RNF216: variants seen among roughly 807,000 people sequenced by gnomAD.
The protein encoded by RNF216 is ring finger protein 216.
Under a neutral mutation model 110.8 loss-of-function variants are expected in RNF216, and 72 were observed. The observed-to-expected ratio is 0.65, with a 90% CI of 0.54 to 0.79. The LOEUF (loss-of-function observed/expected upper bound fraction) is 0.79, where lower values mean the gene tolerates loss of function less well. Ranked by LOEUF, RNF216 falls within the 30% of genes least tolerant of loss-of-function variation. RNF216 has a pLI of 0.00. For missense variants in RNF216, 1,342 were observed against 1,141.2 expected (o/e 1.18, Z -2.54); for synonymous variants, 495 against 407.5 (o/e 1.21, Z -2.59).
rs769669257 is a variant in RNF216, at chr7:5,761,019, G to C, written c.51C>G (p.His17Gln). 1 of 1,577,352 alleles carries C rather than the reference G, an allele frequency of 6.3e-7. No individual in the cohort carries two copies. The highest frequency in any genetic ancestry group is 8.6e-7 in the Non-Finnish European group (1 of 1,167,834). ...NEEVIHLNNFHCHRGQEWINL... is the reference protein window; with the variant it reads ...NEEVIHLNNFQCHRGQEWINL... ...ACAACTTACCTTGTCCCCGATGGCA[G>C]TGAAAGTTGTTCAAGTGAATTACCT... The change falls in exon 2 of 17, where the codon CAC becomes CAG. Residue 17 changes from histidine to glutamine, a missense_variant. Transcript: ENST00000389902.
intron 2 of RNF216, among the ~76,000 whole-genome samples, chr7:5,759,633 C>CTTCTTCTTT (rs59390560): frequency 7.6e-6 from 1 of 131,182 alleles, no homozygotes. Flanking sequence ...CATTTTTCTT[C>CTTCTTCTTT]TTTTTTTTTT....
intron 13 of RNF216, among the ~76,000 whole-genome samples, chr7:5,687,892 G>C (rs1248320008): frequency 2.0e-5 from 3 of 152,190 alleles, no homozygotes; most frequent in Non-Finnish European, 2.9e-5. Context: ...AGGAAACCAA[G>C]TCACAAAGAG....
intron 1 of RNF216, chr7:5,780,118 C>T (rs1796999308): frequency 6.6e-6 from 1 of 152,158 alleles, no homozygotes; most frequent in African/African-American, 2.4e-5. Flanking sequence ...AATGCCAACC[C>T]AGCCCCTTCC....
chr7:5,660,119 T>TTTTGTTA (rs1789009257), intron 13 of RNF216, among the ~76,000 whole-genome samples: 1 of 151,622 alleles, frequency 6.6e-6, no homozygotes, highest in Non-Finnish European at 1.5e-5. Context: ...CACAGCTAAA[T>TTTTGTTA]TTTGTTATTT....
intron 13 of RNF216, among the ~76,000 whole-genome samples, chr7:5,670,380 T>G (rs1184977350): frequency 6.6e-6 from 1 of 152,292 alleles, no homozygotes; most frequent in East Asian, 1.9e-4. Flanking sequence ...TGGGCTCCTC[T>G]GATGTGCATA....
Position 5,677,568 on chromosome 7 carries a change from C to A in RNF216, c.2062-25058G>T, listed in dbSNP as rs76682418. On this transcript the variant is annotated intron_variant, in intron 13 of 16. Coordinates refer to ENST00000389902, the MANE Select transcript of RNF216 (RefSeq NM_207111.4). ...CCTTACAAAGGGACCATCCTAAGCA[C>A]TTTGGGCTTAACCATTTGTCTGTCT... 4.1e-4 allele frequency among the ~76,000 whole-genome samples: 62 copies of A among 152,326 alleles called. No individual in the cohort carries two copies. In the East Asian group the frequency reaches 0.012, roughly 28 times the overall value.
rs115751510 is a variant in RNF216, at chr7:5,658,098, G to C, written c.2062-5588C>G. Among the ~76,000 whole-genome samples the C allele has an allele frequency of 3.5e-3, 531 of 152,356 alleles. 1 individual carries two copies. Among genetic ancestry groups the C allele is most frequent in the African/African-American group, 0.011 (478 of 41,588 alleles). On this transcript the variant is annotated intron_variant, in intron 13 of 16. Coordinates refer to ENST00000389902, the MANE Select transcript of RNF216 (RefSeq NM_207111.4). ...GTGCATGCAGAGGAGAAAGAGGTGA[G>C]TCAGACAAGGATTCTTTGCGGAGCT...
Position 5,704,794 on chromosome 7 carries a change from C to G in RNF216, c.2061+6967G>C, listed in dbSNP as rs559206745. Among the ~76,000 whole-genome samples the G allele has an allele frequency of 4.6e-5, 7 of 152,318 alleles. No homozygotes were observed. The East Asian group carries it at 9.6e-4, about 21-fold the overall frequency. On this transcript the variant is annotated intron_variant, in intron 13 of 16. Transcript: ENST00000389902. ...GCCAGCTCCACCAGGCCGTCACTGCCTCAGGTCCCCATATAACATTTTTCA... is the reference window on the plus strand; with the variant it reads ...GCCAGCTCCACCAGGCCGTCACTGCGTCAGGTCCCCATATAACATTTTTCA...
chr7:5,640,668 A>G (rs1216067407), intron 15 of RNF216, among the ~76,000 whole-genome samples: 2 of 152,146 alleles, frequency 1.3e-5, no homozygotes, highest in African/African-American at 4.8e-5. Context: ...TTACGTTAAT[A>G]GAATTGTTAA....
chr7:5,746,815 A>G (rs1191536174), intron 3 of RNF216, among the ~76,000 whole-genome samples: 3 of 152,228 alleles, frequency 2.0e-5, no homozygotes, highest in African/African-American at 7.2e-5. Context: ...TATGATGACC[A>G]TGATGTGGAA....
At chr7:5,758,578 G>C (rs1415060839) in intron 2 of RNF216, among the ~76,000 whole-genome samples, 1 of 152,212 alleles carries the variant, frequency 6.6e-6, no homozygotes, top group Non-Finnish European at 1.5e-5. Context: ...AGTGTGCCAT[G>C]AATGTGAGAT....
chr7:5,702,536 G>A (rs1792035392), intron 13 of RNF216, among the ~76,000 whole-genome samples: 1 of 152,184 alleles, frequency 6.6e-6, no homozygotes. Context: ...AGGGTGGGAA[G>A]GGAGGCAAGC....
chr7:5,735,112 C>G (rs1422172492), intron 5 of RNF216, among the ~76,000 whole-genome samples: 1 of 152,106 alleles, frequency 6.6e-6, no homozygotes, highest in Non-Finnish European at 1.5e-5. Flanking sequence ...CGCCACTGCA[C>G]TCCAGCCTGG....
chr7:5,774,260 T>C (rs1796656172), intron 1 of RNF216, among the ~76,000 whole-genome samples: 1 of 152,178 alleles, frequency 6.6e-6, no homozygotes, highest in Non-Finnish European at 1.5e-5. Flanking sequence ...ATTTGTAAAA[T>C]GAGAATACAG....
At chr7:5,771,292 T>C (rs181954163) in intron 1 of RNF216, among the ~76,000 whole-genome samples, 49 of 152,002 alleles carry the variant, frequency 3.2e-4, no homozygotes, top group African/African-American at 1.2e-3. Context: ...AACAGAAAGG[T>C]AAAATAAGTT....
At chr7:5,755,053 G>A (rs1387417303) in intron 2 of RNF216, among the ~76,000 whole-genome samples, 3 of 149,216 alleles carry the variant, frequency 2.0e-5, no homozygotes. Flanking sequence ...AAGGAAACAA[G>A]GGAGGGAGGG....
At chr7:5,747,746 C>CAAAA (rs1207043505) in intron 3 of RNF216, among the ~76,000 whole-genome samples, 1 of 7,016 alleles carries the variant, frequency 1.4e-4, no homozygotes, top group Non-Finnish European at 2.4e-4. Context: ...GACTCCATCT[C>CAAAA]AAAAAAAAAA....
chr7:5,658,896 G>A (rs1788919033), intron 13 of RNF216, among the ~76,000 whole-genome samples: 1 of 152,118 alleles, frequency 6.6e-6, no homozygotes, highest in South Asian at 2.1e-4. Context: ...CAATACTGAA[G>A]CGCCATGGAG....
At chr7:5,712,434 C>T (rs1046104327) in intron 12 of RNF216, among the ~76,000 whole-genome samples, 2 of 151,080 alleles carry the variant, frequency 1.3e-5, no homozygotes, top group Non-Finnish European at 2.9e-5. Flanking sequence ...GATTGCACCA[C>T]TGTACTCCAG....
Sources: gnomAD v4.1 joint callset for allele counts (sites outside exome capture counted in the v4.1 genomes callset) on GRCh38, gnomAD v4.1.1 for gene constraint, MANE v1.5 for transcripts, NCBI Gene and HGNC (gene_info 2026-07-23, HGNC 2026-07-21) for gene names.